Variants in PCNP observed in about 807,000 individuals in gnomAD.
PCNP encodes PEST proteolytic signal-containing nuclear protein.
In PCNP, 6 loss-of-function variants were observed where a neutral mutation model predicts 21.8. The ratio of observed to expected loss-of-function variants is 0.28; its 90% confidence interval spans 0.15 to 0.54. The LOEUF (loss-of-function observed/expected upper bound fraction) is 0.54. Ranked by LOEUF, PCNP falls within the 20% of genes least tolerant of loss-of-function variation. The pLI, the probability that PCNP is intolerant of heterozygous loss-of-function variation, is 0.95. For missense variants in PCNP, 161 were observed against 215.5 expected, an observed-to-expected ratio of 0.75 and a Z score of 1.58; for synonymous variants, 67 against 73.2, an observed-to-expected ratio of 0.92 and a Z score of 0.43.
chr3:101,589,600 C>CG (rs1935705461), intron 3 of PCNP: 1 of 152,414 alleles, frequency 6.6e-6, no homozygotes, highest in East Asian at 1.9e-4. Context: ...TTGGTAGAGA[C>CG]GGGGTTTCAC....
At chr3:101,575,179 T>C (rs907133119) in intron 1 of PCNP, among the ~76,000 whole-genome samples, 2 of 152,214 alleles carry the variant, frequency 1.3e-5, no homozygotes, top group African/African-American at 4.8e-5. Context: ...ACTTAACACG[T>C]GCGAGCTGTT....
chr3:101,586,812 A>G (rs1935552305), intron 3 of PCNP, among the ~76,000 whole-genome samples: 1 of 152,050 alleles, frequency 6.6e-6, no homozygotes, highest in Admixed American at 6.6e-5. Flanking sequence ...TTGGCCTCCC[A>G]TAATGCTGGG....
At position 101,579,946 on chromosome 3, in the gene PCNP, C is replaced by CCATA; in HGVS notation, c.222_225dup (p.Gly76HisfsTer3). On this transcript the variant is annotated frameshift_variant, in exon 2 of 5. Coordinates refer to ENST00000265260, the MANE Select transcript of PCNP (RefSeq NM_020357.3). LOFTEE classifies it high-confidence loss of function. ...ACAAAGATCTCCAAGTTTGGATTTGCCATAGGTAGTCAGACGACAAAGAAA... is the reference window on the plus strand; with the variant it reads ...ACAAAGATCTCCAAGTTTGGATTTGCCATACATAGGTAGTCAGACGACAAAGAAA... The CCATA allele has an allele frequency of 6.2e-7, 1 of 1,613,990 alleles. No individual in the cohort carries two copies. The highest frequency in any genetic ancestry group is 1.3e-5 in the African/African-American group (1 of 75,034).
intron 1 of PCNP, among the ~76,000 whole-genome samples, chr3:101,574,502 C>G (rs1203347896): frequency 1.3e-5 from 2 of 152,212 alleles, no homozygotes; most frequent in Non-Finnish European, 2.9e-5. Flanking sequence ...TCGTCACCTC[C>G]TGGCCCCAGC....
intron 2 of PCNP, among the ~76,000 whole-genome samples, chr3:101,585,065 C>T (rs1477786309): frequency 6.6e-6 from 1 of 152,168 alleles, no homozygotes; most frequent in East Asian, 1.9e-4. Context: ...GTTTATAGGC[C>T]TAGAGGCAGA....
intron 2 of PCNP, among the ~76,000 whole-genome samples, chr3:101,581,897 C>T (rs189544356): frequency 6.6e-5 from 10 of 151,746 alleles, no homozygotes; most frequent in African/African-American, 2.2e-4. Flanking sequence ...TGCACCACCA[C>T]GCCTGGCTAA....
rs115490370 is a variant in PCNP at position 101,587,841 on chromosome 3, A to G, written c.354+2330A>G. ...GATACAGGATGCAGGGAATACGTGC[A>G]AAAGTGCAGAGGTTGGAAATTGTAA... On this transcript the variant is annotated intron_variant, in intron 3 of 4. Coordinates refer to ENST00000265260, the MANE Select transcript of PCNP (RefSeq NM_020357.3). 6.0e-3 allele frequency among the ~76,000 whole-genome samples: 916 copies of G among 152,314 alleles called. 17 individuals carry two copies. Among genetic ancestry groups the G allele is most frequent in the African/African-American group, 0.02 (849 of 41,564 alleles).
intron 3 of PCNP, among the ~76,000 whole-genome samples, chr3:101,586,990 A>G (rs1054876951): frequency 1.3e-5 from 2 of 152,132 alleles, no homozygotes; most frequent in Admixed American, 6.6e-5. Flanking sequence ...GCAGTGGCTC[A>G]TGGCTGTAAT....
intron 1 of PCNP, 103 bp from the exon 2 acceptor site, chr3:101,579,687 T>C (rs1355811838): frequency 3.7e-6 from 3 of 809,160 alleles, no homozygotes; most frequent in Non-Finnish European, 6.6e-6. Context: ...AGGTGACAAC[T>C]GCAGAGGTAT....
intron 3 of PCNP, among the ~76,000 whole-genome samples, chr3:101,586,847 G>A (rs1935553425): frequency 6.6e-6 from 1 of 152,110 alleles, no homozygotes; most frequent in South Asian, 2.1e-4. Flanking sequence ...CCACCACACA[G>A]CCATATGTTC....
chr3:101,584,441 GTATCTA>G (rs1935386164), intron 2 of PCNP, among the ~76,000 whole-genome samples: 1 of 152,176 alleles, frequency 6.6e-6, no homozygotes, highest in Non-Finnish European at 1.5e-5. Context: ...GCCTGCCTGG[GTATCTA>G]TATCTTCTAA....
chr3:101,581,529 G>A (rs1935220012), intron 2 of PCNP, among the ~76,000 whole-genome samples: 1 of 152,000 alleles, frequency 6.6e-6, no homozygotes, highest in South Asian at 2.1e-4. Flanking sequence ...TGCCTCCTGG[G>A]TTCAGGCGAT....
intron 1 of PCNP, among the ~76,000 whole-genome samples, chr3:101,578,829 T>C (rs1935068695): frequency 6.6e-6 from 1 of 152,158 alleles, no homozygotes; most frequent in Non-Finnish European, 1.5e-5. Flanking sequence ...ATAAATAAAC[T>C]CTTGATCCAG....
chr3:101,590,017 G>T, intron 3 of PCNP, 198 bp from the exon 4 acceptor site: 2 of 520,620 alleles, frequency 3.8e-6, no homozygotes, highest in Non-Finnish European at 6.9e-6. Flanking sequence ...TTTTCTTTAT[G>T]CAAAATCAGC....
chr3:101,589,927 A>G (rs1202715447), intron 3 of PCNP: 6 of 348,974 alleles, frequency 1.7e-5, no homozygotes, highest in Admixed American at 4.7e-5. Flanking sequence ...AAGAGATAGG[A>G]CATACACAAA....
chr3:101,584,347 C>T (rs751280321), intron 2 of PCNP, among the ~76,000 whole-genome samples: 2 of 152,052 alleles, frequency 1.3e-5, no homozygotes, highest in African/African-American at 2.4e-5. Context: ...CTGTGTTGAC[C>T]AGGCTGGCCT....
chr3:101,586,074 G>A (rs756103121), intron 3 of PCNP, among the ~76,000 whole-genome samples: 22 of 150,858 alleles, frequency 1.5e-4, no homozygotes, highest in Non-Finnish European at 2.8e-4. Flanking sequence ...GGGAGGGTGA[G>A]GCAGGAGAAT....
chr3:101,591,491 A>C (rs1472578054), intron 4 of PCNP, among the ~76,000 whole-genome samples: 1 of 152,252 alleles, frequency 6.6e-6, no homozygotes, highest in East Asian at 1.9e-4. Context: ...GGCTGCCTGC[A>C]TGCCTTCCTT....
intron 3 of PCNP, among the ~76,000 whole-genome samples, chr3:101,587,504 G>A (rs566166821): frequency 2.9e-4 from 44 of 152,048 alleles, no homozygotes; most frequent in South Asian, 8.3e-4. Flanking sequence ...ATGTTATAAA[G>A]ATAAATCAGA....
Sources: allele counts gnomAD v4.1 joint callset (sites outside exome capture counted in the v4.1 genomes callset), GRCh38; gene constraint gnomAD v4.1.1; transcripts MANE v1.5; gene names NCBI Gene and HGNC (gene_info 2026-07-23, HGNC 2026-07-21).